The following ANKRD12 variants were observed in gnomAD, a reference collection of about 807,000 sequenced individuals.
ANKRD12 encodes the protein ankyrin repeat domain-containing protein 12.
Under a neutral mutation model 183.4 loss-of-function variants are expected in ANKRD12, and 85 were observed. The observed-to-expected ratio is 0.46, with a 90% CI of 0.39 to 0.56. The LOEUF is 0.56. Among genes scored for constraint, ANKRD12 ranks in the 20% least tolerant of loss-of-function variants. The pLI is 0.00. For synonymous variants in ANKRD12, 914 were observed against 800.2 expected (o/e 1.14, Z -2.40); for missense variants, 2,405 against 2,357.1 (o/e 1.02, Z -0.42).
At chr18:9,155,419 T>C (rs1198682862) in intron 1 of ANKRD12, among the ~76,000 whole-genome samples, 2 of 152,364 alleles carry the variant, frequency 1.3e-5, no homozygotes, top group East Asian at 3.8e-4. Flanking sequence ...CTAGTAACAC[T>C]TCCTTGAATG....
chr18:9,242,116 G>A (rs2037698453), intron 8 of ANKRD12, among the ~76,000 whole-genome samples: 1 of 151,922 alleles, frequency 6.6e-6, no homozygotes, highest in Admixed American at 6.6e-5. Flanking sequence ...TTTTCTGGAT[G>A]GCTGCAAATT....
intron 9 of ANKRD12, among the ~76,000 whole-genome samples, chr18:9,262,708 T>C (rs2039042580): frequency 6.7e-6 from 1 of 149,262 alleles, no homozygotes; most frequent in Non-Finnish European, 1.5e-5. Context: ...GCAATCCTCC[T>C]AGTCTCAAGC....
intron 2 of ANKRD12, among the ~76,000 whole-genome samples, chr18:9,191,725 C>G (rs1320020440): frequency 6.6e-6 from 1 of 152,102 alleles, no homozygotes; most frequent in Non-Finnish European, 1.5e-5. Context: ...CTAGCCAGTT[C>G]CTAGAGATAA....
chr18:9,281,168 C>T lies in ANKRD12; in HGVS notation c.*42C>T. 6.5e-7 allele frequency: 1 copy of T among 1,540,570 alleles called. No homozygotes were observed. Among genetic ancestry groups the T allele is most frequent in the Non-Finnish European group, 8.9e-7 (1 of 1,126,974 alleles). ...ATGGTATTGTCCTAAACTGGTGATG[C>T]TCAAGCATTATACTGTGGAATACTG... On this transcript the variant is annotated 3_prime_UTR_variant, in exon 13 of 13. Transcript: ENST00000262126.
At chr18:9,208,329 A>C (rs2035597807) in intron 4 of ANKRD12, among the ~76,000 whole-genome samples, 2 of 152,198 alleles carry the variant, frequency 1.3e-5, no homozygotes, top group African/African-American at 4.8e-5. Context: ...TCAAAGATGT[A>C]ATACTAAAGA....
At chr18:9,148,675 C>A (rs2078574373) in intron 1 of ANKRD12, among the ~76,000 whole-genome samples, 1 of 152,040 alleles carries the variant, frequency 6.6e-6, no homozygotes, top group Non-Finnish European at 1.5e-5. Context: ...ACTCTTCCAC[C>A]CCTGTCCCCT....
At chr18:9,245,893 T>C (rs1567959606) in intron 8 of ANKRD12, among the ~76,000 whole-genome samples, 2 of 152,188 alleles carry the variant, frequency 1.3e-5, no homozygotes, top group Non-Finnish European at 1.5e-5. Flanking sequence ...CAGTATATAT[T>C]TGGTGTCTTT....
Position 9,273,444 on chromosome 18 carries a change from C to A in ANKRD12, c.5764-2080C>A, listed in dbSNP as rs2039696242. ...CTGCCAACACAAGGGCATACCACTT[C>A]ACGCCCAGTAGAATGGCTGTAATAA... On this transcript the variant is annotated intron_variant, in intron 10 of 12. Coordinates refer to ENST00000262126, the MANE Select transcript of ANKRD12 (RefSeq NM_015208.5). Among the ~76,000 whole-genome samples the A allele has an allele frequency of 3.3e-5, 5 of 152,198 alleles. No homozygotes were observed. In the South Asian group the frequency reaches 1.0e-3, roughly 32 times the overall value.
At chr18:9,212,996 A>G (rs900919480) in intron 6 of ANKRD12, among the ~76,000 whole-genome samples, 1 of 151,846 alleles carries the variant, frequency 6.6e-6, no homozygotes, top group Non-Finnish European at 1.5e-5. Context: ...ATATGTAAAG[A>G]TTTTCACAGT....
chr18:9,164,262 C>T (rs1337236795), intron 1 of ANKRD12, among the ~76,000 whole-genome samples: 1 of 152,154 alleles, frequency 6.6e-6, no homozygotes, highest in African/African-American at 2.4e-5. Flanking sequence ...GCCTTTTCTG[C>T]ATCTGTTGAG....
chr18:9,272,092 G>A (rs921895191), intron 10 of ANKRD12, among the ~76,000 whole-genome samples: 1 of 152,110 alleles, frequency 6.6e-6, no homozygotes, highest in Non-Finnish European at 1.5e-5. Flanking sequence ...GCAATACATT[G>A]GCACACCCAT....
At chr18:9,266,510 C>T (rs2039299189) in intron 10 of ANKRD12, among the ~76,000 whole-genome samples, 1 of 152,154 alleles carries the variant, frequency 6.6e-6, no homozygotes, top group Non-Finnish European at 1.5e-5. Context: ...CATATCCGGC[C>T]AAACTAAGCT....
chr18:9,240,613 A>C (rs1442440845), intron 8 of ANKRD12, among the ~76,000 whole-genome samples: 1 of 152,218 alleles, frequency 6.6e-6, no homozygotes, highest in Non-Finnish European at 1.5e-5. Context: ...AAAGTTTAAA[A>C]TGCCAGTCAT....
In ANKRD12 at chr18:9,280,925, CTCT is replaced by C. The variant is rs754805615; in HGVS notation, c.6004-11_6004-9del. ...TTAACAGAATAATCAAGTAACTCTT[CTCT>C]TCTTTTAAATAGACCTGTCTTTTAA... On this transcript the variant is annotated splice_polypyrimidine_tract_variant and intron_variant, in intron 12 of 12. Transcript: ENST00000262126. The C allele has an allele frequency of 1.9e-6, 3 of 1,595,646 alleles. No homozygotes were observed. Among genetic ancestry groups the C allele is most frequent in the Admixed American group, 1.9e-5 (1 of 53,770 alleles).
chr18:9,209,307 A>G (rs2035652498), intron 5 of ANKRD12, among the ~76,000 whole-genome samples: 1 of 152,218 alleles, frequency 6.6e-6, no homozygotes, highest in South Asian at 2.1e-4. Flanking sequence ...AGTTATTACT[A>G]TTCACATCCT....
At chr18:9,268,377 A>C (rs554152777) in intron 10 of ANKRD12, among the ~76,000 whole-genome samples, 1 of 152,334 alleles carries the variant, frequency 6.6e-6, no homozygotes, top group South Asian at 2.1e-4. Context: ...CCTCAATAAA[A>C]TACTGGCAAA....
intron 2 of ANKRD12, among the ~76,000 whole-genome samples, chr18:9,185,661 A>T (rs577942329): frequency 1.3e-5 from 2 of 152,080 alleles, no homozygotes; most frequent in African/African-American, 4.8e-5. Context: ...GTGTACAAAG[A>T]GTGTATAAAG....
intron 2 of ANKRD12, among the ~76,000 whole-genome samples, chr18:9,194,658 A>G (rs2034664642): frequency 1.3e-5 from 2 of 152,170 alleles, no homozygotes; most frequent in African/African-American, 4.8e-5. Context: ...ACACCCAGCC[A>G]ATTTTATTTT....
chr18:9,208,711 C>A lies in ANKRD12; in HGVS notation c.359C>A (p.Ser120Tyr). ...AAAAAGGAAGCTGGAAATAAGAAAT[C>A]CACACCAGTTAGCATTCTTTTTGGT... ...KTKKEAGNKK[S>Y]TPVSILFGYP... The change falls in exon 5 of 13, where the codon TCC becomes TAC. Residue 120 changes from serine (S) to tyrosine (Y), a missense_variant. By Grantham distance (144) the Ser-to-Tyr change is moderately radical. Coordinates refer to ENST00000262126, the MANE Select transcript of ANKRD12 (RefSeq NM_015208.5). The A allele has an allele frequency of 6.2e-7, 1 of 1,610,734 alleles. No individual in the cohort carries two copies. Among genetic ancestry groups the A allele is most frequent in the Non-Finnish European group, 8.5e-7 (1 of 1,178,336 alleles).
Sources: allele counts gnomAD v4.1 joint callset (sites outside exome capture counted in the v4.1 genomes callset), GRCh38; gene constraint gnomAD v4.1.1; transcripts MANE v1.5; gene names NCBI Gene and HGNC (gene_info 2026-07-23, HGNC 2026-07-21).